AGBL2: variants seen among roughly 807,000 people sequenced by gnomAD.
AGBL2 encodes AGBL carboxypeptidase 2.
A neutral mutation model predicts 103.0 loss-of-function variants in AGBL2; 87 were observed. The observed-to-expected ratio is 0.84, with a 90% CI of 0.71 to 1.01. AGBL2 has a LOEUF of 1.01. Ranked by LOEUF, AGBL2 falls within the 50% of genes least tolerant of loss-of-function variation. The pLI is 0.00. For missense variants in AGBL2, 904 were observed against 1,023.5 expected (o/e 0.88, Z 1.59); for synonymous variants, 335 against 356.7 (o/e 0.94, Z 0.69).
Position 47,702,261 on chromosome 11 carries a change from G to A in AGBL2, c.586+2282C>T, listed in dbSNP as rs114134537. 5.9e-3 allele frequency among the ~76,000 whole-genome samples: 902 copies of A among 152,222 alleles called. 9 individuals carry two copies. The highest frequency in any genetic ancestry group is 0.021 in the African/African-American group (866 of 41,540). The stretch of plus-strand genomic sequence containing the variant: ...TTCTATGGTTGCCCAAGCATGCCAT[G>A]CTCTTTTTCTGTTTCTTCCAACTGA... On this transcript the variant is annotated intron_variant, in intron 7 of 18. Coordinates refer to ENST00000525123, the MANE Select transcript of AGBL2 (RefSeq NM_024783.4).
intron 14 of AGBL2, among the ~76,000 whole-genome samples, chr11:47,673,213 A>C (rs1419493404): frequency 6.6e-6 from 1 of 152,204 alleles, no homozygotes; most frequent in Non-Finnish European, 1.5e-5. Context: ...TTGGCTGGGC[A>C]TGGTGGCTCA....
intron 14 of AGBL2, among the ~76,000 whole-genome samples, chr11:47,674,289 C>T (rs181280633): frequency 2.6e-5 from 4 of 151,846 alleles, no homozygotes; most frequent in Admixed American, 6.6e-5. Flanking sequence ...TGGCTGGGCG[C>T]GGTGGCTCAC....
chr11:47,672,321 C>CTT (rs138849632), intron 14 of AGBL2, among the ~76,000 whole-genome samples: 9 of 148,060 alleles, frequency 6.1e-5, no homozygotes, highest in Non-Finnish European at 9.0e-5. Flanking sequence ...GCAGAGCACA[C>CTT]TTTTTTTTTT....
rs1486063757 is a variant in AGBL2, at chr11:47,705,652, A to G, written c.287-18T>C. Reference sequence around the variant, plus strand: ...GTGAAAGTCTGTGTCAAAAAAAAAAAAAAAAGAAAAAGAAAAAGAAGAAAG... The same window carrying G: ...GTGAAAGTCTGTGTCAAAAAAAAAAGAAAAAGAAAAAGAAAAAGAAGAAAG... On this transcript the variant is annotated intron_variant, in intron 5 of 18. Coordinates refer to ENST00000525123, the MANE Select transcript of AGBL2 (RefSeq NM_024783.4). The G allele has an allele frequency of 1.7e-5, 10 of 586,912 alleles. No homozygotes were observed. Among genetic ancestry groups the G allele is most frequent in the East Asian group, 1.1e-4 (4 of 35,312 alleles). 36.4% of individuals were successfully genotyped at this position (586,912 alleles called of 1,614,324 possible).
intron 7 of AGBL2, among the ~76,000 whole-genome samples, chr11:47,701,241 C>T (rs1435748940): frequency 2.7e-5 from 4 of 149,474 alleles, no homozygotes; most frequent in Admixed American, 1.3e-4. Context: ...GAGGCCGAAG[C>T]GGGCGGATCA....
In AGBL2 at chr11:47,666,884, T is replaced by C. The variant is rs772596013; in HGVS notation, c.2448+72A>G. 1.9e-4 allele frequency: 186 copies of C among 972,864 alleles called. 4 individuals are homozygous for C. The highest frequency in any genetic ancestry group is 3.9e-5 in the Admixed American group (2 of 51,422). The allele number at this position is 972,864 out of a possible 1,614,324, so 60.3% of individuals were successfully genotyped here. A position where few individuals can be genotyped will look rare whatever the true frequency, so the allele number is the denominator to read the frequency against. On this transcript the variant is annotated intron_variant, in intron 17 of 18. Coordinates refer to ENST00000525123, the MANE Select transcript of AGBL2 (RefSeq NM_024783.4). Reference sequence around the variant, plus strand: ...GTAAATGGCTATTACATTTGTCACATTGTGGGAGAGAGGTGCTAATTCGAG... The same window carrying C: ...GTAAATGGCTATTACATTTGTCACACTGTGGGAGAGAGGTGCTAATTCGAG...
At position 47,705,654 on chromosome 11, in the gene AGBL2, A is replaced by AAG. The variant is rs751860536; in HGVS notation, c.287-21_287-20insCT. On this transcript the variant is annotated intron_variant, in intron 5 of 18. Transcript: ENST00000525123. ...GAAAGTCTGTGTCAAAAAAAAAAAAAAAAGAAAAAGAAAAAGAAGAAAGGG... is the reference window on the plus strand; with the variant it reads ...GAAAGTCTGTGTCAAAAAAAAAAAAAAGAAAGAAAAAGAAAAAGAAGAAAGGG... 1.7e-6 allele frequency: 1 copy of AAG among 579,378 alleles called. No homozygotes were observed. The highest frequency in any genetic ancestry group is 1.9e-5 in the African/African-American group (1 of 51,454). The allele number at this position is 579,378 out of a possible 1,614,324, so 35.9% of individuals were successfully genotyped here.
At position 47,692,244 on chromosome 11, in the gene AGBL2, C is replaced by G. The variant is rs2097450328; in HGVS notation, c.707G>C (p.Gly236Ala). ...CACTCTGGAACTGGTAAAATAGGAA[C>G]CTTCTATAGGCACTGCAGAGAAAAG... ...VYQLDSVPIE[G>A]SYFTSSRVGG... The change falls in exon 9 of 19, where the codon GGT becomes GCT. Residue 236 changes from glycine to alanine, a missense_variant. Gly to Ala is a moderately conservative substitution (Grantham distance 60). Coordinates refer to ENST00000525123, the MANE Select transcript of AGBL2 (RefSeq NM_024783.4). 1 of 1,613,518 alleles carries G rather than the reference C, an allele frequency of 6.2e-7. No homozygotes were observed. Among genetic ancestry groups the G allele is most frequent in the South Asian group, 1.1e-5 (1 of 91,048 alleles).
At chr11:47,703,338 G>C (rs2097505582) in intron 7 of AGBL2, among the ~76,000 whole-genome samples, 2 of 152,106 alleles carry the variant, frequency 1.3e-5, no homozygotes, top group African/African-American at 4.8e-5. Flanking sequence ...GGTTAATCTA[G>C]AAAACAGATT....
intron 10 of AGBL2, among the ~76,000 whole-genome samples, chr11:47,687,251 C>G (rs1487901045): frequency 2.0e-5 from 3 of 151,800 alleles, no homozygotes; most frequent in Admixed American, 2.0e-4. Flanking sequence ...GTAAGTTAAT[C>G]CTTTAATTAA....
chr11:47,712,990 C>G (rs558935858), intron 3 of AGBL2, among the ~76,000 whole-genome samples: 2 of 151,894 alleles, frequency 1.3e-5, no homozygotes, highest in African/African-American at 4.8e-5. Context: ...TGCAGCAAGC[C>G]TAGATTGCAC....
chr11:47,683,770 C>CAA (rs1221104232), intron 11 of AGBL2, among the ~76,000 whole-genome samples: 5 of 127,584 alleles, frequency 3.9e-5, no homozygotes, highest in African/African-American at 5.8e-5. Context: ...GACTCCATCT[C>CAA]AAAAAAAAAA....
intron 3 of AGBL2, 87 bp downstream of exon 3, chr11:47,714,197 T>C: frequency 1.1e-6 from 1 of 927,020 alleles, no homozygotes; most frequent in Non-Finnish European, 1.7e-6. Flanking sequence ...TATTTATTAG[T>C]CTACCCAAGT....
intron 12 of AGBL2, among the ~76,000 whole-genome samples, chr11:47,680,465 A>C (rs1186859044): frequency 1.4e-5 from 2 of 143,608 alleles, no homozygotes. Context: ...TCTCAAAAAA[A>C]TAAAAATAAA....
At chr11:47,703,171 G>A (rs1477113682) in intron 7 of AGBL2, among the ~76,000 whole-genome samples, 2 of 151,842 alleles carry the variant, frequency 1.3e-5, no homozygotes, top group Admixed American at 6.6e-5. Flanking sequence ...AAACTATGTC[G>A]TGGTATATGT....
At chr11:47,681,770 T>C (rs2097402318) in intron 12 of AGBL2, among the ~76,000 whole-genome samples, 199 bp downstream of exon 12, 1 of 152,222 alleles carries the variant, frequency 6.6e-6, no homozygotes, top group African/African-American at 2.4e-5. Context: ...ATTCCAGGTC[T>C]TTAGCAACCA....
chr11:47,672,247 G>A (rs902155767), intron 14 of AGBL2, among the ~76,000 whole-genome samples: 5 of 151,524 alleles, frequency 3.3e-5, no homozygotes, highest in East Asian at 1.9e-4. Flanking sequence ...CATCATACCC[G>A]TTATTACAGA....
At chr11:47,695,073 C>T (rs1174507548) in intron 8 of AGBL2, among the ~76,000 whole-genome samples, 2 of 152,008 alleles carry the variant, frequency 1.3e-5, no homozygotes, top group East Asian at 1.9e-4. Context: ...TTGCTTGAAC[C>T]CGGGAGGCAG....
At position 47,692,256 on chromosome 11, in the gene AGBL2, A is replaced by G. The variant is rs2097450355; in HGVS notation, c.695T>C (p.Val232Ala). Residue 232 changes from valine to alanine, a missense_variant and splice_region_variant, in exon 9 of 19, where the codon GTG becomes GCG. Physicochemically the swap from Val to Ala is moderately conservative, Grantham distance 64. Coordinates refer to ENST00000525123, the MANE Select transcript of AGBL2 (RefSeq NM_024783.4). The stretch of plus-strand genomic sequence containing the variant: ...GGTAAAATAGGAACCTTCTATAGGC[A>G]CTGCAGAGAAAAGATATATTTAGGC... ...KGTVVYQLDSVPIEGSYFTSS... is the reference protein window; with the variant it reads ...KGTVVYQLDSAPIEGSYFTSS... 1.2e-6 allele frequency: 2 copies of G among 1,612,856 alleles called. No individual in the cohort carries two copies. The highest frequency in any genetic ancestry group is 2.2e-5 in the East Asian group (1 of 44,880).
Sources: gnomAD v4.1 joint callset for allele counts (sites outside exome capture counted in the v4.1 genomes callset) on GRCh38, gnomAD v4.1.1 for gene constraint, MANE v1.5 for transcripts, NCBI Gene and HGNC (gene_info 2026-07-23, HGNC 2026-07-21) for gene names.